The following CSMD1 variants were observed in gnomAD, a reference collection of about 807,000 sequenced individuals.
CSMD1 encodes the protein CUB and sushi domain-containing protein 1.
A neutral mutation model predicts 417.5 loss-of-function variants in CSMD1; 213 were observed. That is an observed-to-expected ratio of 0.51 (90% confidence interval 0.46 to 0.57). The LOEUF is 0.57. Ranked by LOEUF, CSMD1 falls within the 20% of genes least tolerant of loss-of-function variation. The pLI is 0.00. For synonymous variants in CSMD1, 2,862 were observed against 1,736.8 expected, an observed-to-expected ratio of 1.65 and a Z score of -16.11; for missense variants, 6,923 against 4,529.7, an observed-to-expected ratio of 1.53 and a Z score of -15.17.
chr8:4,495,924 T>C (rs1046163234), intron 2 of CSMD1, among the ~76,000 whole-genome samples: 1 of 152,142 alleles, frequency 6.6e-6, no homozygotes, highest in Non-Finnish European at 1.5e-5. Flanking sequence ...TAGGATAAAT[T>C]CTATATGGCA....
intron 7 of CSMD1, among the ~76,000 whole-genome samples, chr8:3,653,598 C>A (rs1330808278): frequency 1.3e-5 from 2 of 152,130 alleles, no homozygotes; most frequent in African/African-American, 4.8e-5. Context: ...TGTGAGCCAC[C>A]CTGCCTGGCC....
intron 3 of CSMD1, among the ~76,000 whole-genome samples, chr8:4,359,393 A>T (rs181160425): frequency 6.6e-6 from 1 of 152,226 alleles, no homozygotes; most frequent in Non-Finnish European, 1.5e-5. Context: ...TAAACTCACA[A>T]TAACATATTA....
chr8:3,406,323 A>T, intron 14 of CSMD1, 102 bp from the exon 15 acceptor site: 1 of 833,950 alleles, frequency 1.2e-6, no homozygotes, highest in Non-Finnish European at 1.8e-6. Flanking sequence ...GCATTCATAT[A>T]ATGTATATAA....
chr8:4,802,194 A>T (rs1181215490), intron 1 of CSMD1, among the ~76,000 whole-genome samples: 1 of 152,194 alleles, frequency 6.6e-6, no homozygotes, highest in East Asian at 1.9e-4. Context: ...TATCTATAGG[A>T]TGCTCATTTT....
intron 2 of CSMD1, among the ~76,000 whole-genome samples, chr8:4,510,050 G>A (rs1802732229): frequency 6.6e-6 from 1 of 152,006 alleles, no homozygotes; most frequent in Non-Finnish European, 1.5e-5. Flanking sequence ...ACTCAATCTT[G>A]GGGGTAGGTC....
chr8:4,048,242 T>C (rs1798249756), intron 3 of CSMD1, among the ~76,000 whole-genome samples: 1 of 152,192 alleles, frequency 6.6e-6, no homozygotes, highest in South Asian at 2.1e-4. Flanking sequence ...GTCACTGAGA[T>C]TAGAATGAAA....
intron 1 of CSMD1, among the ~76,000 whole-genome samples, chr8:4,925,861 TG>T (rs1472104552): frequency 4.6e-5 from 7 of 152,230 alleles, no homozygotes; most frequent in Non-Finnish European, 4.4e-5. Flanking sequence ...TCTGGCATTT[TG>T]TAATTGTGAA....
At chr8:4,864,304 T>TA (rs893278446) in intron 1 of CSMD1, among the ~76,000 whole-genome samples, 3 of 151,382 alleles carry the variant, frequency 2.0e-5, no homozygotes, top group African/African-American at 7.3e-5. Context: ...AATTTAGAAC[T>TA]AAAAAAGGAT....
chr8:4,067,952 C>A (rs867754711), intron 3 of CSMD1, among the ~76,000 whole-genome samples: 1 of 152,120 alleles, frequency 6.6e-6, no homozygotes, highest in Non-Finnish European at 1.5e-5. Context: ...TGGTGCGCTC[C>A]TGTAATCCCA....
intron 3 of CSMD1, among the ~76,000 whole-genome samples, chr8:4,290,695 A>G (rs144955547): frequency 2.6e-5 from 4 of 152,330 alleles, no homozygotes; most frequent in African/African-American, 9.6e-5. Flanking sequence ...ACTACAAAAT[A>G]ATGAGCATAT....
At chr8:4,313,482 T>G (rs1394996140) in intron 3 of CSMD1, among the ~76,000 whole-genome samples, 3 of 124,794 alleles carry the variant, frequency 2.4e-5, no homozygotes, top group African/African-American at 9.3e-5. Context: ...CCCGAAGAGC[T>G]CCCAAAGGTC....
chr8:4,451,367 A>C lies in CSMD1; in HGVS notation c.303-31302T>G, dbSNP rs535984071. On this transcript the variant is annotated intron_variant, in intron 2 of 69. Coordinates refer to ENST00000635120, the MANE Select transcript of CSMD1 (RefSeq NM_033225.6). ...CCTGACTCAAAATAATAAGGCAATCACAAGTGTTTATGGAAGATAATTATT... is the reference window on the plus strand; with the variant it reads ...CCTGACTCAAAATAATAAGGCAATCCCAAGTGTTTATGGAAGATAATTATT... 7.2e-5 allele frequency among the ~76,000 whole-genome samples: 11 copies of C among 152,302 alleles called. No individual in the cohort carries two copies. The South Asian group carries it at 2.1e-3, about 29-fold the overall frequency.
At chr8:3,342,418 T>G (rs75670068) in intron 23 of CSMD1, among the ~76,000 whole-genome samples, 1 of 152,240 alleles carries the variant, frequency 6.6e-6, no homozygotes. Context: ...GTGTTCAGTA[T>G]GATATAGTTT....
chr8:4,285,697 G>C (rs1357252977), intron 3 of CSMD1, among the ~76,000 whole-genome samples: 2 of 152,294 alleles, frequency 1.3e-5, no homozygotes, highest in African/African-American at 2.4e-5. Context: ...GAGCTTTCCA[G>C]AACTAGTAAA....
intron 3 of CSMD1, among the ~76,000 whole-genome samples, chr8:4,356,785 G>A (rs891886104): frequency 6.6e-6 from 1 of 152,134 alleles, no homozygotes; most frequent in Non-Finnish European, 1.5e-5. Flanking sequence ...TCTCAAAGCA[G>A]TCTTGCAGGC....
At chr8:4,184,581 G>A (rs1249337605) in intron 3 of CSMD1, among the ~76,000 whole-genome samples, 4 of 151,952 alleles carry the variant, frequency 2.6e-5, no homozygotes, top group Non-Finnish European at 5.9e-5. Context: ...TGGAGCTGTA[G>A]ACCATTATCT....
At chr8:4,220,490 T>C (rs1166218945) in intron 3 of CSMD1, among the ~76,000 whole-genome samples, 2 of 152,166 alleles carry the variant, frequency 1.3e-5, no homozygotes, top group African/African-American at 4.8e-5. Flanking sequence ...AAACATCACT[T>C]TGTGTAAGAA....
intron 10 of CSMD1, among the ~76,000 whole-genome samples, chr8:3,516,740 C>A (rs1797298207): frequency 6.6e-6 from 1 of 152,068 alleles, no homozygotes; most frequent in Non-Finnish European, 1.5e-5. Flanking sequence ...GCATGCCTCA[C>A]CACAGCAGTA....
chr8:3,332,119 T>G (rs1025351015), intron 23 of CSMD1, among the ~76,000 whole-genome samples: 2 of 152,216 alleles, frequency 1.3e-5, no homozygotes. Flanking sequence ...AGATGATAGA[T>G]GATGACAGGT....
Sources: gnomAD v4.1 joint callset for allele counts (sites outside exome capture counted in the v4.1 genomes callset) on GRCh38, gnomAD v4.1.1 for gene constraint, MANE v1.5 for transcripts, NCBI Gene and HGNC (gene_info 2026-07-23, HGNC 2026-07-21) for gene names.